Variants in THOC2 observed in about 807,000 individuals in gnomAD.
The protein encoded by THOC2 is THO complex subunit 2, also known as THO complex 2.
A neutral mutation model predicts 128.4 loss-of-function variants in THOC2; 10 were observed. That is an observed-to-expected ratio of 0.08 (90% CI 0.05 to 0.13). The LOEUF (loss-of-function observed/expected upper bound fraction) is 0.13, where lower values mean the gene tolerates loss of function less well. Among genes scored for constraint, THOC2 ranks in the 10% least tolerant of loss-of-function variants. The probability of loss-of-function intolerance (pLI) is 1.00; values close to 1 mark genes in which losing one functional copy is unlikely to be tolerated. For missense variants in THOC2, 535 were observed against 1,155.7 expected (o/e 0.46, Z 7.79); for synonymous variants, 393 against 396.9 (o/e 0.99, Z 0.12).
At chrX:123,631,621 T>TA (rs1170039794) in intron 22 of THOC2, 67 bp downstream of exon 22, 6 of 1,121,618 alleles carry the variant, frequency 5.3e-6, no homozygotes, top group Non-Finnish European at 7.3e-6. Flanking sequence ...GATATGTACT[T>TA]ACAGATAAAA....
intron 9 of THOC2, 112 bp downstream of exon 9, chrX:123,671,557 G>C (rs979572071): frequency 1.0e-5 from 4 of 382,545 alleles, no homozygotes; most frequent in Non-Finnish European, 1.4e-5. Flanking sequence ...CAAAGAGTGA[G>C]ACTTGAGAAC....
intron 12 of THOC2, among the ~76,000 whole-genome samples, chrX:123,658,389 T>C (rs1375238270): frequency 2.7e-5 from 3 of 111,731 alleles, no homozygotes; most frequent in Admixed American, 1.9e-4. Flanking sequence ...ACACAAAAAC[T>C]TGTACAAAGG....
chrX:123,688,794 T>A (rs973856021), intron 7 of THOC2, among the ~76,000 whole-genome samples: 2 of 111,919 alleles, frequency 1.8e-5, no homozygotes, highest in Non-Finnish European at 3.8e-5. Flanking sequence ...TTTTACTGTA[T>A]GTCAAGGAAG....
At position 123,638,056 on chromosome X, in the gene THOC2, T is replaced by A; in HGVS notation, c.1908A>T (p.Ser636=). The change falls in exon 18 of 39, where the codon TCA becomes TCT. Residue 636 remains serine (S), a synonymous_variant. Transcript: ENST00000245838. ...ERMKHDDTTI[S]SWLQSLASFC... ...AAAAATACTTACTCTGAAGCCAGCTTGAGATGGTTGTGTCATCATGTTTCA... is the reference window on the plus strand; with the variant it reads ...AAAAATACTTACTCTGAAGCCAGCTAGAGATGGTTGTGTCATCATGTTTCA... 8.4e-7 allele frequency: 1 copy of A among 1,193,869 alleles called. No individual in the cohort carries two copies.
At chrX:123,665,937 T>A (rs2049033534) in intron 11 of THOC2, 100 bp from the exon 12 acceptor site, 1 of 508,056 alleles carries the variant, frequency 2.0e-6, no homozygotes, top group Non-Finnish European at 2.7e-6. Flanking sequence ...TTTAACAAAG[T>A]TATCTTAATC....
At chrX:123,716,521 C>T (rs1315726885) in intron 1 of THOC2, among the ~76,000 whole-genome samples, 2 of 110,716 alleles carry the variant, frequency 1.8e-5, no homozygotes, top group Non-Finnish European at 3.8e-5. Flanking sequence ...GTAAGGAGAT[C>T]GAGATCATCC....
intron 9 of THOC2, among the ~76,000 whole-genome samples, chrX:123,671,065 T>G (rs751491257): frequency 8.9e-6 from 1 of 111,925 alleles, no homozygotes; most frequent in Non-Finnish European, 1.9e-5. Flanking sequence ...CTGAAACTGA[T>G]GACTAAATTT....
intron 12 of THOC2, among the ~76,000 whole-genome samples, chrX:123,655,670 C>T (rs2048539813): frequency 9.0e-6 from 1 of 111,310 alleles, no homozygotes; most frequent in African/African-American, 3.3e-5. Context: ...CACAAGATCA[C>T]TATCTCACCT....
intron 15 of THOC2, among the ~76,000 whole-genome samples, chrX:123,642,764 A>C (rs929019821): frequency 9.2e-6 from 1 of 109,015 alleles, no homozygotes; most frequent in Non-Finnish European, 1.9e-5. Context: ...GAGGGGGATA[A>C]TATATATTGT....
At chrX:123,672,279 C>A (rs1410143631) in intron 8 of THOC2, among the ~76,000 whole-genome samples, 1 of 108,091 alleles carries the variant, frequency 9.3e-6, no homozygotes, top group Non-Finnish European at 1.9e-5. Context: ...GCTGGAACTA[C>A]AGGTATATGC....
intron 1 of THOC2, among the ~76,000 whole-genome samples, chrX:123,725,086 C>CAA (rs2051890495): frequency 9.0e-6 from 1 of 111,205 alleles, no homozygotes; most frequent in Non-Finnish European, 1.9e-5. Flanking sequence ...TCCAGGGTGA[C>CAA]AGAGCAAGAT....
intron 33 of THOC2, among the ~76,000 whole-genome samples, chrX:123,615,002 A>G (rs1023860117): frequency 8.9e-6 from 1 of 112,119 alleles, no homozygotes; most frequent in African/African-American, 3.2e-5. Context: ...AACCCTTCTT[A>G]GGTGAGTTGT....
At chrX:123,680,693 C>T (rs2049736440) in intron 8 of THOC2, among the ~76,000 whole-genome samples, 1 of 111,003 alleles carries the variant, frequency 9.0e-6, no homozygotes. Context: ...TTAACATGCG[C>T]AAAGTGAATT....
chrX:123,686,677 G>T lies in THOC2; in HGVS notation c.639C>A (p.Val213=), dbSNP rs1263078430. Residue 213 remains valine, a synonymous_variant, in exon 8 of 39, where the codon GTC becomes GTA. Transcript: ENST00000245838. ...GCCTGCATTCAAACACTTCTAAAATGACATCCAAAACTCTATTGGGATCCA... is the reference window on the plus strand; with the variant it reads ...GCCTGCATTCAAACACTTCTAAAATTACATCCAAAACTCTATTGGGATCCA... The part of the protein sequence containing the change: ...FNLDPNRVLD[V]ILEVFECRPE... 2.5e-6 allele frequency: 3 copies of T among 1,198,454 alleles called. No homozygotes were observed. The highest frequency in any genetic ancestry group is 1.8e-5 in the African/African-American group (1 of 56,912).
At position 123,733,004 on chromosome X, in the gene THOC2, C is replaced by G. The variant is rs1259766286; in HGVS notation, c.19G>C (p.Val7Leu). 3.3e-6 allele frequency: 4 copies of G among 1,210,118 alleles called. No individual in the cohort carries two copies. In the African/African-American group the frequency reaches 7.0e-5, roughly 21 times the overall value. The change falls in exon 1 of 39, where the codon GTG becomes CTG. Residue 7 changes from valine to leucine, a missense_variant. Coordinates refer to ENST00000245838, the MANE Select transcript of THOC2 (RefSeq NM_001081550.2). ...TTCTTTATCCACTCTGCGGGAACCA[C>G]CACAGCCGCGGCCGCCATCTTCCTC... The part of the protein sequence containing the change: MAAAAV[V>L]VPAEWIKNWE...
rs751166599 is a variant in THOC2 at position 123,665,740 on chromosome X, C to T, written c.1288G>A (p.Asp430Asn). Residue 430 changes from aspartate (D) to asparagine (N), a missense_variant, in exon 12 of 39, where the codon GAC becomes AAC. By Grantham distance (23) the Asp-to-Asn change is conservative (BLOSUM62 1). Coordinates refer to ENST00000245838, the MANE Select transcript of THOC2 (RefSeq NM_001081550.2). ...QAESFEDLRR[D>N]VFNMFCYLGP... ...AGGTAACAGAACATATTGAACACGT[C>T]TCTCCTCAAATCTTCAAAGCTCTCA... The T allele has an allele frequency of 7.5e-6, 9 of 1,202,685 alleles. 1 individual carries two copies. Among genetic ancestry groups the T allele is most frequent in the Middle Eastern group, 4.6e-4 (2 of 4,331 alleles).
At chrX:123,666,173 G>A (rs1020240192) in intron 11 of THOC2, among the ~76,000 whole-genome samples, 2 of 111,895 alleles carry the variant, frequency 1.8e-5, no homozygotes, top group Admixed American at 1.9e-4. Flanking sequence ...AAACTTGGCC[G>A]GTATCGGGAA....
In THOC2 at chrX:123,657,342, C is replaced by T. The variant is rs770408424; in HGVS notation, c.1386+8300G>A. 3.6e-5 allele frequency among the ~76,000 whole-genome samples: 4 copies of T among 110,451 alleles called. No individual in the cohort carries two copies. The South Asian group carries it at 1.2e-3, about 32-fold the overall frequency. On this transcript the variant is annotated intron_variant, in intron 12 of 38. Coordinates refer to ENST00000245838, the MANE Select transcript of THOC2 (RefSeq NM_001081550.2). ...ATTTGAAGCAATGATGACAGAATTT[C>T]CCCAAACTAGTATCAGGCACCAAAC...
intron 8 of THOC2, among the ~76,000 whole-genome samples, chrX:123,681,983 C>G (rs1221420181): frequency 9.0e-6 from 1 of 111,399 alleles, no homozygotes; most frequent in Non-Finnish European, 1.9e-5. Flanking sequence ...CGCTTAAACC[C>G]AGGAGGCAGA....
Sources: allele counts gnomAD v4.1 joint callset (sites outside exome capture counted in the v4.1 genomes callset), GRCh38; gene constraint gnomAD v4.1.1; transcripts MANE v1.5; gene names NCBI Gene and HGNC (gene_info 2026-07-23, HGNC 2026-07-21).